Variants in ANO10 observed in about 807,000 individuals in gnomAD.
ANO10 encodes anoctamin 10, also known as anoctamin-10.
Under a neutral mutation model 74.7 loss-of-function variants are expected in ANO10, and 77 were observed. That is an observed-to-expected ratio of 1.03 (90% CI 0.86 to 1.25). ANO10 has a LOEUF of 1.25. Among genes scored for constraint, ANO10 ranks in the 50% most tolerant of loss-of-function variants. ANO10 has a pLI of 0.00. For missense variants in ANO10, 721 were observed against 778.1 expected (o/e 0.93, Z 0.87); for synonymous variants, 279 against 284.9 (o/e 0.98, Z 0.21).
At chr3:43,607,616 T>C (rs748112929) in intron 1 of ANO10, among the ~76,000 whole-genome samples, 1 of 152,182 alleles carries the variant, frequency 6.6e-6, no homozygotes, top group African/African-American at 2.4e-5. Context: ...ATCACCCCGA[T>C]AGGAACTAAA....
intron 12 of ANO10, among the ~76,000 whole-genome samples, chr3:43,388,230 G>A (rs2092180683): frequency 6.6e-6 from 1 of 152,172 alleles, no homozygotes; most frequent in Non-Finnish European, 1.5e-5. Context: ...GAGTGTGCAA[G>A]TGCTTCAGGA....
intron 11 of ANO10, among the ~76,000 whole-genome samples, chr3:43,536,010 A>T (rs1459314745): frequency 6.6e-6 from 1 of 152,252 alleles, no homozygotes; most frequent in Non-Finnish European, 1.5e-5. Flanking sequence ...TGACAAATTA[A>T]CTTTCACTTG....
intron 5 of ANO10, among the ~76,000 whole-genome samples, chr3:43,577,474 C>A (rs1242459371): frequency 6.6e-6 from 1 of 152,118 alleles, no homozygotes; most frequent in African/African-American, 2.4e-5. Context: ...AGGGGCCAGG[C>A]CTTAGCTGGG....
Position 43,432,944 on chromosome 3 carries a change from C to CTTTTTTT in ANO10, c.1798-224_1798-218dup, listed in dbSNP as rs5848663. ...CAGTAATTACTGACTTTGCTTAATT[C>CTTTTTTT]TTTTTTTTTTTTTTTTTTTTTTTTT... On this transcript the variant is annotated intron_variant, in intron 11 of 12. Transcript: ENST00000292246. 2.7e-3 allele frequency among the ~76,000 whole-genome samples: 149 copies of CTTTTTTT among 55,274 alleles called. 30 individuals are homozygous for CTTTTTTT. The highest frequency in any genetic ancestry group is 9.6e-3 in the Admixed American group (31 of 3,216). 36.3% of individuals were successfully genotyped at this position (55,274 alleles called of 152,430 possible). A position where few individuals can be genotyped will look rare whatever the true frequency, so the allele number is the denominator to read the frequency against.
intron 10 of ANO10, among the ~76,000 whole-genome samples, chr3:43,552,521 G>T (rs1382173476): frequency 6.6e-6 from 1 of 151,536 alleles, no homozygotes; most frequent in Non-Finnish European, 1.5e-5. Flanking sequence ...AATATTTTTG[G>T]TTACCATGTT....
At chr3:43,553,116 T>A (rs772352159) in intron 10 of ANO10, among the ~76,000 whole-genome samples, 1 of 152,124 alleles carries the variant, frequency 6.6e-6, no homozygotes, top group Non-Finnish European at 1.5e-5. Flanking sequence ...TGACAATACT[T>A]TAAGGACCTG....
chr3:43,679,871 C>A (rs146383723), intron 1 of ANO10, among the ~76,000 whole-genome samples: 2 of 152,202 alleles, frequency 1.3e-5, no homozygotes, highest in Non-Finnish European at 2.9e-5. Flanking sequence ...AGACCTGCAG[C>A]TGAGGGTCCT....
intron 1 of ANO10, among the ~76,000 whole-genome samples, chr3:43,641,768 A>G (rs1247122721): frequency 6.6e-6 from 1 of 152,198 alleles, no homozygotes; most frequent in African/African-American, 2.4e-5. Context: ...AGATCTTTAC[A>G]TGAGTGCTCC....
intron 4 of ANO10, among the ~76,000 whole-genome samples, chr3:43,580,754 A>G (rs2081229942): frequency 6.6e-6 from 1 of 152,226 alleles, no homozygotes; most frequent in African/African-American, 2.4e-5. Context: ...CCCCTTGAAA[A>G]TAACCACTGT....
At chr3:43,414,823 A>G (rs759111002) in intron 12 of ANO10, among the ~76,000 whole-genome samples, 3 of 152,122 alleles carry the variant, frequency 2.0e-5, no homozygotes, top group Non-Finnish European at 4.4e-5. Flanking sequence ...GTTACACTCA[A>G]TTAAGAATTT....
intron 7 of ANO10, among the ~76,000 whole-genome samples, chr3:43,566,351 G>A (rs2080343473): frequency 6.6e-6 from 1 of 152,254 alleles, no homozygotes; most frequent in African/African-American, 2.4e-5. Flanking sequence ...AAGGAGGCCT[G>A]CCTGCCTCTG....
chr3:43,476,586 G>A (rs938772329), intron 11 of ANO10, among the ~76,000 whole-genome samples: 13 of 152,092 alleles, frequency 8.5e-5, no homozygotes, highest in Admixed American at 1.3e-4. Context: ...TTCCCTGCCA[G>A]CTCCCTGTTT....
At position 43,424,207 on chromosome 3, in the gene ANO10, A is replaced by C. The variant is rs116263385; in HGVS notation, c.1914+8404T>G. On this transcript the variant is annotated intron_variant, in intron 12 of 12. Coordinates refer to ENST00000292246, the MANE Select transcript of ANO10 (RefSeq NM_018075.5). ...ACAGGGCTGAAACCTCCTTTGCAAA[A>C]ATCGTTGCAGTGAGAAAGTTATGAC... Among the ~76,000 whole-genome samples the C allele has an allele frequency of 5.5e-3, 835 of 152,306 alleles. 7 individuals are homozygous for C. Among genetic ancestry groups the C allele is most frequent in the African/African-American group, 0.019 (780 of 41,564 alleles).
At chr3:43,688,304 A>C (rs2084300749) in intron 1 of ANO10, among the ~76,000 whole-genome samples, 1 of 152,132 alleles carries the variant, frequency 6.6e-6, no homozygotes, top group Non-Finnish European at 1.5e-5. Flanking sequence ...CTGGGCTTGC[A>C]CTGTGTTCCA....
intron 11 of ANO10, among the ~76,000 whole-genome samples, chr3:43,540,283 G>A (rs1397300812): frequency 1.3e-5 from 2 of 152,218 alleles, no homozygotes; most frequent in East Asian, 3.8e-4. Flanking sequence ...GTAGGATCCA[G>A]TGATGGACTG....
intron 1 of ANO10, among the ~76,000 whole-genome samples, chr3:43,642,472 T>C (rs2083680050): frequency 6.6e-6 from 1 of 152,236 alleles, no homozygotes. Context: ...TTCTGTTCTT[T>C]GTATAGCTGT....
intron 1 of ANO10, among the ~76,000 whole-genome samples, chr3:43,666,340 T>G (rs2083991878): frequency 1.3e-5 from 2 of 152,156 alleles, no homozygotes; most frequent in Admixed American, 6.6e-5. Flanking sequence ...AATTATCTCA[T>G]TCTGGATTGG....
chr3:43,373,656 GC>G (rs905482058), intron 12 of ANO10, among the ~76,000 whole-genome samples: 3 of 152,178 alleles, frequency 2.0e-5, no homozygotes, highest in African/African-American at 7.2e-5. Context: ...AGAGTGAGGT[GC>G]CTATAGAAGC....
At chr3:43,444,927 T>C (rs748115533) in intron 11 of ANO10, among the ~76,000 whole-genome samples, 1 of 151,836 alleles carries the variant, frequency 6.6e-6, no homozygotes, top group Admixed American at 6.6e-5. Context: ...ATCGAGACCA[T>C]CCTGGCTAAC....
Sources: gnomAD v4.1 joint callset for allele counts (sites outside exome capture counted in the v4.1 genomes callset) on GRCh38, gnomAD v4.1.1 for gene constraint, MANE v1.5 for transcripts, NCBI Gene and HGNC (gene_info 2026-07-23, HGNC 2026-07-21) for gene names.